RPS6KC1: variants seen among roughly 807,000 people sequenced by gnomAD.
RPS6KC1 encodes the protein inactive ribosomal protein S6 kinase delta-1.
In RPS6KC1, 54 loss-of-function variants were observed where a neutral mutation model predicts 103.8. That is an observed-to-expected ratio of 0.52 (90% CI 0.42 to 0.65). RPS6KC1 has a LOEUF of 0.65. RPS6KC1 is among the 30% of genes least tolerant of loss of function. RPS6KC1 has a pLI of 0.00. For missense variants in RPS6KC1, 1,151 were observed against 1,253.8 expected (o/e 0.92, Z 1.24); for synonymous variants, 439 against 438.7 (o/e 1.00, Z -0.01).
At chr1:213,721,375 C>T in the RPS6KC1 span, among the ~76,000 whole-genome samples, 1 of 152,072 alleles carries the variant, frequency 6.6e-6, no homozygotes, top group Non-Finnish European at 1.5e-5. Flanking sequence ...GTGGTTTCCC[C>T]CATACCGTTC....
chr1:213,151,098 G>A (rs187715604), intron 6 of RPS6KC1, among the ~76,000 whole-genome samples: 5 of 125,240 alleles, frequency 4.0e-5, no homozygotes, highest in African/African-American at 9.4e-5. Flanking sequence ...CCTCCCGGAT[G>A]GGGGGGCTGG....
the RPS6KC1 span, among the ~76,000 whole-genome samples, chr1:213,304,205 CAAAAAAAAAAAA>C: frequency 1.4e-5 from 1 of 70,534 alleles, no homozygotes; most frequent in African/African-American, 4.9e-5. Context: ...GACTCCATCT[CAAAAAAAAAAAA>C]AAAAAAAAAG....
chr1:213,186,102 A>G (rs909401659), intron 8 of RPS6KC1, among the ~76,000 whole-genome samples: 1 of 151,736 alleles, frequency 6.6e-6, no homozygotes, highest in Non-Finnish European at 1.5e-5. Context: ...AAATCAGGTA[A>G]TTTGATAAAA....
chr1:213,588,036 G>A, the RPS6KC1 span, among the ~76,000 whole-genome samples: 20 of 152,268 alleles, frequency 1.3e-4, no homozygotes, highest in African/African-American at 4.6e-4. Flanking sequence ...CTCATAGATG[G>A]CCCTTTGTCT....
chr1:213,170,040 G>A (rs982343502), intron 7 of RPS6KC1, among the ~76,000 whole-genome samples: 2 of 152,032 alleles, frequency 1.3e-5, no homozygotes, highest in Non-Finnish European at 2.9e-5. Flanking sequence ...CTTTTGCCTC[G>A]CAAAGTGCTT....
At chr1:213,821,854 G>A in the RPS6KC1 span, 16 of 152,214 alleles carry the variant, frequency 1.1e-4, 1 homozygote, top group Admixed American at 7.2e-4. Context: ...GGGGAAATGT[G>A]GCTTCAGACA....
the RPS6KC1 span, among the ~76,000 whole-genome samples, chr1:213,721,624 A>G: frequency 2.6e-5 from 4 of 152,126 alleles, no homozygotes; most frequent in Non-Finnish European, 5.9e-5. Context: ...CTAATATACC[A>G]TGTCATCACT....
chr1:213,091,187 A>G (rs2080929075), intron 3 of RPS6KC1, among the ~76,000 whole-genome samples: 1 of 151,852 alleles, frequency 6.6e-6, no homozygotes, highest in African/African-American at 2.4e-5. Context: ...CCTCCCGAGT[A>G]GCTGGGACTA....
chr1:213,669,156 G>A, the RPS6KC1 span, among the ~76,000 whole-genome samples: 27 of 152,308 alleles, frequency 1.8e-4, no homozygotes, highest in Non-Finnish European at 3.5e-4. Flanking sequence ...TTTGGCCCAA[G>A]AGGCCTAGCT....
At chr1:213,839,469 T>C in the RPS6KC1 span, among the ~76,000 whole-genome samples, 1 of 152,216 alleles carries the variant, frequency 6.6e-6, no homozygotes, top group Non-Finnish European at 1.5e-5. Flanking sequence ...AAATGGTTCA[T>C]GTACCCTGAA....
intron 1 of RPS6KC1, among the ~76,000 whole-genome samples, chr1:213,054,058 A>G (rs1205911765): frequency 3.3e-5 from 5 of 151,854 alleles, no homozygotes; most frequent in African/African-American, 1.2e-4. Context: ...CTGGTCTCGA[A>G]CTCCTGACCT....
the RPS6KC1 span, among the ~76,000 whole-genome samples, chr1:213,369,367 G>A: frequency 6.6e-5 from 10 of 152,210 alleles, no homozygotes; most frequent in African/African-American, 2.4e-4. Flanking sequence ...AATACCTAGA[G>A]TAGGAGATGG....
the RPS6KC1 span, among the ~76,000 whole-genome samples, chr1:213,463,428 T>C: frequency 6.6e-6 from 1 of 152,204 alleles, no homozygotes. Context: ...GAGATAATTG[T>C]AGACTCATGT....
the RPS6KC1 span, among the ~76,000 whole-genome samples, chr1:213,465,008 C>G: frequency 3.3e-4 from 50 of 152,182 alleles, no homozygotes; most frequent in African/African-American, 9.9e-4. Context: ...CACCCCTTTC[C>G]AGGGCAGCTT....
intron 6 of RPS6KC1, among the ~76,000 whole-genome samples, chr1:213,150,262 C>A (rs981813671): frequency 8.0e-5 from 12 of 150,920 alleles, no homozygotes; most frequent in Non-Finnish European, 1.3e-4. Context: ...GATTTAGTTT[C>A]TTGCTTTTTA....
At chr1:213,106,616 A>C (rs140666002) in intron 4 of RPS6KC1, among the ~76,000 whole-genome samples, 1 of 152,324 alleles carries the variant, frequency 6.6e-6, no homozygotes, top group Non-Finnish European at 1.5e-5. Flanking sequence ...GTGCTATAGT[A>C]TCATAGTTTA....
chr1:213,136,066 T>C (rs2149044324), intron 6 of RPS6KC1, among the ~76,000 whole-genome samples: 1 of 152,322 alleles, frequency 6.6e-6, no homozygotes, highest in East Asian at 1.9e-4. Context: ...TATAGCTCAA[T>C]TCAGGTGTTC....
intron 3 of RPS6KC1, among the ~76,000 whole-genome samples, chr1:213,093,866 A>G (rs2081210605): frequency 6.6e-6 from 1 of 152,138 alleles, no homozygotes; most frequent in Non-Finnish European, 1.5e-5. Flanking sequence ...TTCCTCTAAC[A>G]TACCTTACTC....
chr1:213,152,223 C>CCG (rs1179207158), intron 6 of RPS6KC1, among the ~76,000 whole-genome samples: 1 of 140,600 alleles, frequency 7.1e-6, no homozygotes, highest in African/African-American at 2.7e-5. Context: ...GCTGGCCGGG[C>CCG]GGGGGGCTGA....
Sources: gnomAD v4.1 joint callset for allele counts (sites outside exome capture counted in the v4.1 genomes callset) on GRCh38, gnomAD v4.1.1 for gene constraint, MANE v1.5 for transcripts, NCBI Gene and HGNC (gene_info 2026-07-23, HGNC 2026-07-21) for gene names.